The following DOCK10 variants were observed in gnomAD, a reference collection of about 807,000 sequenced individuals.
DOCK10 encodes the protein dedicator of cytokinesis 10.
DOCK10 carries 145 observed loss-of-function variants against 280.1 expected under a neutral mutation model. The ratio of observed to expected loss-of-function variants is 0.52; its 90% CI spans 0.45 to 0.59. DOCK10 has a LOEUF of 0.59. Among genes scored for constraint, DOCK10 ranks in the 20% least tolerant of loss-of-function variants. The pLI, the probability that DOCK10 is intolerant of heterozygous loss-of-function variation, is 0.00. For synonymous variants in DOCK10, 915 were observed against 942.2 expected, an observed-to-expected ratio of 0.97 and a Z score of 0.53; for missense variants, 2,368 against 2,651.7, an observed-to-expected ratio of 0.89 and a Z score of 2.35.
chr2:224,889,161 T>C (rs1442827476), intron 4 of DOCK10, among the ~76,000 whole-genome samples: 2 of 152,252 alleles, frequency 1.3e-5, no homozygotes, highest in African/African-American at 4.8e-5. Flanking sequence ...GTGCATTTGG[T>C]ATTCACATCA....
rs769699292 is a variant in DOCK10, at chr2:224,886,496, G to A, written c.452C>T (p.Ser151Phe). Reference protein sequence around the residue: ...EYKPEKLPSHSFEIDHEDADK... With the variant: ...EYKPEKLPSHFFEIDHEDADK... ...AGCATCTTCATGGTCAATCTCAAAG[G>A]AATGTGAAGGAAGCTTCTCTGGTTT... Residue 151 changes from serine to phenylalanine, a missense_variant, in exon 5 of 56, where the codon TCC becomes TTC. Ser to Phe is a radical substitution (Grantham distance 155). Transcript: ENST00000258390. The A allele has an allele frequency of 6.2e-7, 1 of 1,609,840 alleles. No individual in the cohort carries two copies.
At chr2:224,971,859 C>A (rs1015311956) in intron 1 of DOCK10, among the ~76,000 whole-genome samples, 2 of 151,738 alleles carry the variant, frequency 1.3e-5, no homozygotes, top group African/African-American at 4.8e-5. Flanking sequence ...GAAGATTTGG[C>A]GTGAAAAAAA....
chr2:224,935,145 A>C (rs1211717262), intron 1 of DOCK10, among the ~76,000 whole-genome samples: 1 of 152,206 alleles, frequency 6.6e-6, no homozygotes, highest in Non-Finnish European at 1.5e-5. Flanking sequence ...ACGATTATCT[A>C]AGCCCCAGGG....
intron 27 of DOCK10, among the ~76,000 whole-genome samples, chr2:224,828,613 C>T (rs1291542555): frequency 6.6e-6 from 1 of 152,140 alleles, no homozygotes; most frequent in African/African-American, 2.4e-5. Context: ...GGGTGTTTCC[C>T]ATCTGTTGGC....
intron 11 of DOCK10, among the ~76,000 whole-genome samples, chr2:224,867,580 A>C (rs574081538): frequency 6.6e-6 from 1 of 152,338 alleles, no homozygotes; most frequent in Admixed American, 6.5e-5. Flanking sequence ...TTCTTGGTCA[A>C]GTTTTAAAGA....
In DOCK10 at chr2:224,981,912, A is replaced by T. The variant is rs138707157; in HGVS notation, c.124-50244T>A. Among the ~76,000 whole-genome samples the T allele has an allele frequency of 8.2e-3, 1,242 of 152,254 alleles. 11 individuals are homozygous for T. Among genetic ancestry groups the T allele is most frequent in the African/African-American group, 0.028 (1,148 of 41,554 alleles). ...TCCACTCACTTAAACCAAACTCCAA[A>T]TTTTTCTCTTATTTTCTGCACAAAA... On this transcript the variant is annotated intron_variant, in intron 1 of 55. Transcript: ENST00000258390.
At chr2:224,992,483 C>T (rs1278014267) in intron 1 of DOCK10, among the ~76,000 whole-genome samples, 3 of 152,172 alleles carry the variant, frequency 2.0e-5, no homozygotes, top group Non-Finnish European at 4.4e-5. Flanking sequence ...GCACCCAGCT[C>T]CAGGGTTTTG....
chr2:224,877,727 C>T (rs1698727935), intron 7 of DOCK10, among the ~76,000 whole-genome samples: 2 of 152,232 alleles, frequency 1.3e-5, no homozygotes, highest in South Asian at 2.1e-4. Context: ...CAGGGAAGGA[C>T]ATTTAAAGCG....
chr2:224,922,557 T>G (rs1701821602), intron 2 of DOCK10, among the ~76,000 whole-genome samples: 1 of 152,190 alleles, frequency 6.6e-6, no homozygotes, highest in South Asian at 2.1e-4. Flanking sequence ...TGCAGGCCTG[T>G]GTTTATAGTT....
intron 1 of DOCK10, among the ~76,000 whole-genome samples, chr2:225,022,577 A>C (rs76599566): frequency 6.6e-6 from 1 of 152,222 alleles, no homozygotes; most frequent in South Asian, 2.1e-4. Context: ...AAAGTCAACA[A>C]GAACAAAAAC....
At chr2:224,992,172 C>T (rs1017385990) in intron 1 of DOCK10, among the ~76,000 whole-genome samples, 17 of 152,168 alleles carry the variant, frequency 1.1e-4, no homozygotes, top group Non-Finnish European at 2.5e-4. Flanking sequence ...TTGGATGACA[C>T]GGGATAAATG....
At chr2:224,769,942 G>A (rs751406101) in intron 55 of DOCK10, among the ~76,000 whole-genome samples, 2 of 152,160 alleles carry the variant, frequency 1.3e-5, no homozygotes, top group Admixed American at 6.5e-5. Flanking sequence ...AGCATTTAAT[G>A]GGACTCACAT....
intron 7 of DOCK10, among the ~76,000 whole-genome samples, chr2:224,881,503 T>C (rs997881728): frequency 6.6e-6 from 1 of 152,214 alleles, no homozygotes; most frequent in African/African-American, 2.4e-5. Flanking sequence ...TGTATGTGGG[T>C]ATGCCTACTT....
chr2:224,974,677 A>G (rs1164121601), intron 1 of DOCK10, among the ~76,000 whole-genome samples: 1 of 150,570 alleles, frequency 6.6e-6, no homozygotes, highest in Non-Finnish European at 1.5e-5. Context: ...GTTGGAGTCT[A>G]TACTTTTTCT....
intron 1 of DOCK10, among the ~76,000 whole-genome samples, chr2:224,988,802 T>A (rs1706047565): frequency 1.3e-5 from 2 of 152,188 alleles, no homozygotes; most frequent in South Asian, 4.1e-4. Flanking sequence ...GATAAACGAA[T>A]TTTTTTAAGG....
chr2:224,908,131 T>TAG (rs1700774465), intron 3 of DOCK10, among the ~76,000 whole-genome samples: 1 of 151,676 alleles, frequency 6.6e-6, no homozygotes, highest in East Asian at 1.9e-4. Flanking sequence ...GTTCTGTGCC[T>TAG]ACATAAAGTT....
chr2:224,888,883 T>C (rs1299116044), intron 4 of DOCK10, among the ~76,000 whole-genome samples: 2 of 152,148 alleles, frequency 1.3e-5, no homozygotes, highest in Admixed American at 6.6e-5. Context: ...TGTATGTATA[T>C]ATTAATGTGT....
At chr2:224,863,529 T>A (rs905233768) in intron 13 of DOCK10, among the ~76,000 whole-genome samples, 4 of 152,282 alleles carry the variant, frequency 2.6e-5, no homozygotes, top group African/African-American at 4.8e-5. Context: ...CTTGGCTCAC[T>A]GCAAGCTCCG....
chr2:224,894,267 C>T (rs1198556901), intron 4 of DOCK10, among the ~76,000 whole-genome samples: 1 of 152,140 alleles, frequency 6.6e-6, no homozygotes, highest in African/African-American at 2.4e-5. Flanking sequence ...ATTGTTTTAA[C>T]AGAGGAAGAA....
Sources: gnomAD v4.1 joint callset for allele counts (sites outside exome capture counted in the v4.1 genomes callset) on GRCh38, gnomAD v4.1.1 for gene constraint, MANE v1.5 for transcripts, NCBI Gene and HGNC (gene_info 2026-07-23, HGNC 2026-07-21) for gene names.